Variants in POMT2 observed in about 807,000 individuals in gnomAD.
POMT2 encodes the protein protein O-mannosyltransferase 2.
POMT2 carries 75 observed loss-of-function variants against 100.0 expected under a neutral mutation model. The observed-to-expected ratio is 0.75, with a 90% CI of 0.62 to 0.91. The LOEUF (loss-of-function observed/expected upper bound fraction) is 0.91. POMT2 is among the 40% of genes least tolerant of loss of function. The pLI is 0.00. For synonymous variants in POMT2, 378 were observed against 374.1 expected (o/e 1.01, Z -0.12); for missense variants, 940 against 955.1 (o/e 0.98, Z 0.21).
chr14:77,306,470 G>T, intron 2 of POMT2, 29 bp from the exon 3 acceptor site: 1 of 1,609,086 alleles, frequency 6.2e-7, no homozygotes, highest in Non-Finnish European at 8.5e-7. Flanking sequence ...ACAAAAAGAT[G>T]AGAAGCCTTT....
chr14:77,279,101 A>G, intron 18 of POMT2: 1 of 613,820 alleles, frequency 1.6e-6, no homozygotes, highest in Non-Finnish European at 2.9e-6. Context: ...ACCAAGCACC[A>G]GCAGGAGGCA....
intron 15 of POMT2, among the ~76,000 whole-genome samples, chr14:77,282,819 A>T (rs538138348): frequency 6.6e-6 from 1 of 152,368 alleles, no homozygotes; most frequent in East Asian, 1.9e-4. Flanking sequence ...AGTCCACTTG[A>T]CAATGGCTTA....
chr14:77,288,906 C>T (rs1377139868), intron 10 of POMT2, 75 bp from the exon 11 acceptor site: 75 of 1,243,194 alleles, frequency 6.0e-5, no homozygotes, highest in Non-Finnish European at 7.8e-5. Context: ...TACTGGTAAA[C>T]AGTTATAGTA....
intron 9 of POMT2, among the ~76,000 whole-genome samples, chr14:77,292,762 A>G (rs1890682331): frequency 6.6e-6 from 1 of 152,244 alleles, no homozygotes; most frequent in African/African-American, 2.4e-5. Context: ...GTTAATACAA[A>G]TACTTACCAT....
At chr14:77,278,062 C>G (rs917324995) in intron 20 of POMT2, among the ~76,000 whole-genome samples, 1 of 152,214 alleles carries the variant, frequency 6.6e-6, no homozygotes, top group African/African-American at 2.4e-5. Context: ...CCCTGCCCCC[C>G]ATTCCCACAC....
At chr14:77,298,615 T>G in intron 8 of POMT2, 74 bp downstream of exon 8, 1 of 1,494,548 alleles carries the variant, frequency 6.7e-7, no homozygotes, top group Non-Finnish European at 9.3e-7. Context: ...AAAGCCATCA[T>G]ATTTGTCTTT....
intron 8 of POMT2, 195 bp from the exon 9 acceptor site, chr14:77,296,468 C>T (rs923572232): frequency 3.4e-6 from 2 of 593,034 alleles, no homozygotes. Context: ...CCCACTTACT[C>T]CCCCGCCTCC....
intron 18 of POMT2, 68 bp from the exon 19 acceptor site, chr14:77,278,937 C>T (rs980353639): frequency 2.6e-6 from 4 of 1,543,300 alleles, no homozygotes; most frequent in Non-Finnish European, 3.5e-6. Flanking sequence ...TCTGGTCCAG[C>T]TCTGCCCCTT....
In POMT2 at chr14:77,279,844, G is replaced by A. The variant is rs749335757; in HGVS notation, c.1870C>T (p.Arg624Trp). Residue 624 changes from arginine (R) to tryptophan (W), a missense_variant, in exon 18 of 21, where the codon CGG (arginine) becomes TGG (tryptophan). Transcript: ENST00000261534. Reference sequence around the variant, plus strand: ...TGACCTGCAACCTCCGCTGGCAGCCGTGCCCCTCTCTGCATGGCTACAGCA... The same window carrying A: ...TGACCTGCAACCTCCGCTGGCAGCCATGCCCCTCTCTGCATGGCTACAGCA... ...IIAVAMQRGARLPAEVAGLSQ... is the reference protein window; with the variant it reads ...IIAVAMQRGAWLPAEVAGLSQ... 2.4e-5 allele frequency: 39 copies of A among 1,613,624 alleles called. No individual in the cohort carries two copies. The highest frequency in any genetic ancestry group is 1.6e-4 in the Middle Eastern group (1 of 6,084).
At chr14:77,306,468 A>T (rs760101202) in intron 2 of POMT2, 27 bp from the exon 3 acceptor site, 2 of 1,609,524 alleles carry the variant, frequency 1.2e-6, no homozygotes, top group Admixed American at 1.7e-5. Context: ...AAACAAAAAG[A>T]TGAGAAGCCT....
chr14:77,290,576 C>G (rs1192042004), intron 10 of POMT2, among the ~76,000 whole-genome samples: 1 of 152,220 alleles, frequency 6.6e-6, no homozygotes, highest in Non-Finnish European at 1.5e-5. Context: ...GGACTGTCAG[C>G]AGAGATGACA....
Position 77,278,433 on chromosome 14 carries a change from A to G in POMT2, c.2108T>C (p.Val703Ala), listed in dbSNP as rs770189006. The G allele has an allele frequency of 8.7e-6, 13 of 1,495,676 alleles. No individual in the cohort carries two copies. Among genetic ancestry groups the G allele is most frequent in the Admixed American group, 5.8e-5 (3 of 51,356 alleles). 92.7% of individuals were successfully genotyped at this position (1,495,676 alleles called of 1,614,324 possible). A position where few individuals can be genotyped will look rare whatever the true frequency, so the allele number is the denominator to read the frequency against. The change falls in exon 20 of 21, where the codon GTG becomes GCG. Residue 703 changes from valine to alanine, a missense_variant. By Grantham distance (64) the Val-to-Ala change is moderately conservative. Transcript: ENST00000261534. The stretch of plus-strand genomic sequence containing the variant: ...CAGGAGCAGGCTCAGGATTCCCGCC[A>G]CATGTATGCCCCTCGCCAGGGGCCA... ...ASWPLARGIH[V>A]AGILSLLLGT...
chr14:77,297,022 A>G (rs1346864578), intron 8 of POMT2, among the ~76,000 whole-genome samples: 1 of 152,272 alleles, frequency 6.6e-6, no homozygotes, highest in Non-Finnish European at 1.5e-5. Context: ...GTGCCCCACA[A>G]AGGCGTGACA....
In POMT2 at chr14:77,286,749, C is replaced by T. The variant is rs753171353; in HGVS notation, c.1327G>A (p.Gly443Ser). Residue 443 changes from glycine to serine, a missense_variant, in exon 12 of 21, where the codon GGC becomes AGC. Gly to Ser is a moderately conservative substitution (Grantham distance 56). Transcript: ENST00000261534. The part of the protein sequence containing the change: ...TRKHYQVTGY[G>S]INGTGDSNDF... ...CATCCCCGTTGCTTACTTACTATGCCATAGCCGGTGACCTGATAGTGCTTC... is the reference window on the plus strand; with the variant it reads ...CATCCCCGTTGCTTACTTACTATGCTATAGCCGGTGACCTGATAGTGCTTC... 1.2e-6 allele frequency: 2 copies of T among 1,614,130 alleles called. No individual in the cohort carries two copies. The highest frequency in any genetic ancestry group is 1.1e-5 in the South Asian group (1 of 91,080).
chr14:77,288,829 G>C lies in POMT2; in HGVS notation c.1186C>G (p.Pro396Ala). The C allele has an allele frequency of 6.2e-7, 1 of 1,613,686 alleles. No homozygotes were observed. Among genetic ancestry groups the C allele is most frequent in the Non-Finnish European group, 8.5e-7 (1 of 1,179,808 alleles). The change falls in exon 11 of 21, where the codon CCC (proline) becomes GCC (alanine). Residue 396 changes from proline (P) to alanine (A), a missense_variant and splice_region_variant. By Grantham distance (27) the Pro-to-Ala change is conservative (BLOSUM62 -1). Coordinates refer to ENST00000261534, the MANE Select transcript of POMT2 (RefSeq NM_013382.7). ...IIKKHNTNSD[P>A]LDPSFPVEFV... ...TCCACTGGGAAGGAAGGGTCTAGGG[G>C]ATCTGCCAAAAAGAAACAAGCATTG...
rs550307404 is a variant in POMT2 at position 77,305,723 on chromosome 14, G to A, written c.438+614C>T. On this transcript the variant is annotated intron_variant, in intron 3 of 20. Transcript: ENST00000261534. The stretch of plus-strand genomic sequence containing the variant: ...GGCTTCATTCAGCCACACGTTCAAG[G>A]TTCCCAAAGAGTTGGGTGTTAAGGC... Among the ~76,000 whole-genome samples, 5 of 152,324 alleles carry A rather than the reference G, an allele frequency of 3.3e-5. No homozygotes were observed. In the East Asian group the frequency reaches 9.6e-4, roughly 29 times the overall value.
At chr14:77,298,374 C>T (rs973831279) in intron 8 of POMT2, among the ~76,000 whole-genome samples, 1 of 152,182 alleles carries the variant, frequency 6.6e-6, no homozygotes, top group East Asian at 1.9e-4. Flanking sequence ...GAAAGCGGTG[C>T]GGGAAACCAA....
At chr14:77,320,318 C>T in intron 1 of POMT2, 116 bp downstream of exon 1, 1 of 1,517,744 alleles carries the variant, frequency 6.6e-7, no homozygotes, top group East Asian at 2.5e-5. Context: ...CTCAAGTTCC[C>T]CTCCACCGTG....
At position 77,293,848 on chromosome 14, in the gene POMT2, T is replaced by C. The variant is rs1890728974; in HGVS notation, c.1116+2316A>G. Among the ~76,000 whole-genome samples the C allele has an allele frequency of 2.0e-5, 3 of 152,348 alleles. No individual in the cohort carries two copies. In the South Asian group the frequency reaches 6.2e-4, roughly 32 times the overall value. On this transcript the variant is annotated intron_variant, in intron 9 of 20. Coordinates refer to ENST00000261534, the MANE Select transcript of POMT2 (RefSeq NM_013382.7). ...TCAGAGTTTGGCCTTTCTCTCCCTT[T>C]GCACAGTGTAGATGTTCTGGTCACC...
Sources: allele counts gnomAD v4.1 joint callset (sites outside exome capture counted in the v4.1 genomes callset), GRCh38; gene constraint gnomAD v4.1.1; transcripts MANE v1.5; gene names NCBI Gene and HGNC (gene_info 2026-07-23, HGNC 2026-07-21).